Variants in PAG1 observed in about 807,000 individuals in gnomAD.
PAG1 encodes phosphoprotein membrane anchor with glycosphingolipid microdomains 1, also known as phosphoprotein associated with glycosphingolipid-enriched microdomains 1.
A neutral mutation model predicts 31.7 loss-of-function variants in PAG1; 23 were observed. The observed-to-expected ratio is 0.73, with a 90% CI of 0.52 to 1.03. The LOEUF is 1.03. PAG1 is among the 50% of genes least tolerant of loss of function. The pLI, the probability that PAG1 is intolerant of heterozygous loss-of-function variation, is 0.00. For missense variants in PAG1, 473 were observed against 540.7 expected, an observed-to-expected ratio of 0.87 and a Z score of 1.24; for synonymous variants, 214 against 210.3, an observed-to-expected ratio of 1.02 and a Z score of -0.15.
chr8:80,999,806 ATGGGTAAGGAATCACTTCTAAGGTTGGT>A (rs1289100973), intron 3 of PAG1, among the ~76,000 whole-genome samples: 7 of 152,174 alleles, frequency 4.6e-5, no homozygotes, highest in African/African-American at 1.7e-4. Flanking sequence ...AGTGAATTTG[ATGGGTAAGGAATCACTTCTAAGGTTGGT>A]TTCCCCCAAA....
In PAG1 at chr8:80,976,522, C is replaced by G. The variant is rs745823558; in HGVS notation, c.*22G>C. ...GTCTCCAGACACTGATCACAGGCTACCCAGGGTTGTCTTCTGGGTTGCTAG... is the reference window on the plus strand; with the variant it reads ...GTCTCCAGACACTGATCACAGGCTAGCCAGGGTTGTCTTCTGGGTTGCTAG... On this transcript the variant is annotated 3_prime_UTR_variant, in exon 9 of 9. Coordinates refer to ENST00000220597, the MANE Select transcript of PAG1 (RefSeq NM_018440.4). 2 of 1,591,466 alleles carry G rather than the reference C, an allele frequency of 1.3e-6. No individual in the cohort carries two copies. The highest frequency in any genetic ancestry group is 2.7e-5 in the African/African-American group (2 of 74,022).
intron 1 of PAG1, among the ~76,000 whole-genome samples, chr8:81,075,526 T>C (rs776779219): frequency 1.3e-5 from 2 of 152,262 alleles, no homozygotes; most frequent in African/African-American, 2.4e-5. Context: ...TGAGTTTTAC[T>C]ATGATTACTA....
intron 3 of PAG1, among the ~76,000 whole-genome samples, chr8:81,026,714 A>G (rs1329686254): frequency 6.6e-6 from 1 of 152,080 alleles, no homozygotes; most frequent in Non-Finnish European, 1.5e-5. Context: ...TGAGTCACAG[A>G]TGGGCCAGCA....
chr8:81,085,306 T>C (rs1048447274), intron 1 of PAG1, among the ~76,000 whole-genome samples: 1 of 152,246 alleles, frequency 6.6e-6, no homozygotes, highest in Non-Finnish European at 1.5e-5. Context: ...CAAGCCATTC[T>C]GGAGATTTAG....
rs555015627 is a variant in PAG1 at position 81,035,836 on chromosome 8, C to G, written c.-174-5747G>C. Among the ~76,000 whole-genome samples, 17 of 152,130 alleles carry G rather than the reference C, an allele frequency of 1.1e-4. No individual in the cohort carries two copies. In the South Asian group the frequency reaches 1.2e-3, roughly 11 times the overall value. ...TTAGAAGGCCAAAGATCACAGAAGC[C>G]TTTTTAACAGCTACCCTGACACACA... is the stretch of plus-strand genomic sequence containing the variant. On this transcript the variant is annotated intron_variant, in intron 2 of 8. Transcript: ENST00000220597.
chr8:80,982,584 C>G (rs924364462), intron 7 of PAG1, among the ~76,000 whole-genome samples: 17 of 152,170 alleles, frequency 1.1e-4, no homozygotes, highest in Admixed American at 7.2e-4. Flanking sequence ...GCAAATCCAG[C>G]CCTGGCCTTT....
At chr8:81,075,267 A>G (rs1044578744) in intron 1 of PAG1, among the ~76,000 whole-genome samples, 8 of 152,232 alleles carry the variant, frequency 5.3e-5, no homozygotes, top group African/African-American at 1.9e-4. Flanking sequence ...ATCTTCTAGT[A>G]TGAGTAGACT....
At chr8:80,980,297 C>T in intron 8 of PAG1, 138 bp downstream of exon 8, 1 of 602,824 alleles carries the variant, frequency 1.7e-6, no homozygotes. Flanking sequence ...AACCAGCATC[C>T]CAAGTCTTCA....
At chr8:81,029,417 T>G (rs1009552815) in intron 3 of PAG1, among the ~76,000 whole-genome samples, 2 of 151,762 alleles carry the variant, frequency 1.3e-5, no homozygotes, top group African/African-American at 2.4e-5. Context: ...ATTAAAGATA[T>G]GATTTCCAAA....
At chr8:81,026,127 C>A (rs1808273441) in intron 3 of PAG1, among the ~76,000 whole-genome samples, 1 of 152,084 alleles carries the variant, frequency 6.6e-6, no homozygotes, top group Non-Finnish European at 1.5e-5. Context: ...GGTGATCAGG[C>A]AGATTAAAGT....
At chr8:81,100,231 CT>C (rs1358419487) in intron 1 of PAG1, among the ~76,000 whole-genome samples, 1 of 152,218 alleles carries the variant, frequency 6.6e-6, no homozygotes, top group Non-Finnish European at 1.5e-5. Flanking sequence ...GGGTATACCC[CT>C]GAGGCAAGAA....
chr8:81,010,509 T>C (rs1807962979), intron 3 of PAG1, among the ~76,000 whole-genome samples: 1 of 152,260 alleles, frequency 6.6e-6, no homozygotes, highest in South Asian at 2.1e-4. Flanking sequence ...ATAAAATCTC[T>C]TGGCCTGTTA....
At chr8:81,053,995 G>A (rs1020319986) in intron 2 of PAG1, among the ~76,000 whole-genome samples, 6 of 152,144 alleles carry the variant, frequency 3.9e-5, no homozygotes, top group African/African-American at 1.4e-4. Context: ...GCCATCAACA[G>A]TAGCTAAAGG....
intron 2 of PAG1, among the ~76,000 whole-genome samples, chr8:81,032,245 T>G (rs1201442936): frequency 6.6e-6 from 1 of 152,076 alleles, no homozygotes; most frequent in Non-Finnish European, 1.5e-5. Context: ...ATTTGTAATT[T>G]AAAGGACAAT....
chr8:80,982,113 A>C (rs1807318891), intron 7 of PAG1, among the ~76,000 whole-genome samples: 1 of 151,924 alleles, frequency 6.6e-6, no homozygotes, highest in South Asian at 2.1e-4. Flanking sequence ...TGATCCACCC[A>C]CCTCGGCCTC....
rs527849766 is a variant in PAG1, at chr8:81,078,188, G to A, written c.-233-8018C>T. Among the ~76,000 whole-genome samples the A allele has an allele frequency of 7.2e-5, 11 of 152,282 alleles. No individual in the cohort carries two copies. The South Asian group carries it at 2.3e-3, about 32-fold the overall frequency. Reference sequence around the variant, plus strand: ...TCATATACTTGTTTATTGAGGTTAAGTGGGCTTAAATTTTTAATCTGTTTA... The same window carrying A: ...TCATATACTTGTTTATTGAGGTTAAATGGGCTTAAATTTTTAATCTGTTTA... On this transcript the variant is annotated intron_variant, in intron 1 of 8. Transcript: ENST00000220597.
chr8:81,026,033 T>C (rs16908344), intron 3 of PAG1, among the ~76,000 whole-genome samples: 4,394 of 152,212 alleles, frequency 0.029, 205 homozygotes, highest in African/African-American at 0.1. Flanking sequence ...CAATGCTGTT[T>C]CTACCCTTCC....
At chr8:81,102,868 T>A (rs1809630796) in intron 1 of PAG1, among the ~76,000 whole-genome samples, 1 of 152,218 alleles carries the variant, frequency 6.6e-6, no homozygotes, top group African/African-American at 2.4e-5. Context: ...CAATATCATT[T>A]AATGTATCTG....
rs746120433 is a variant in PAG1, at chr8:80,980,540, A to G, written c.877-46T>C. ...CAAGGAAAGTAATTCAGCGTTAACA[A>G]TCTAACCTTTCTTTTGCACATGTTT... On this transcript the variant is annotated intron_variant, in intron 7 of 8. Coordinates refer to ENST00000220597, the MANE Select transcript of PAG1 (RefSeq NM_018440.4). 10 of 1,204,828 alleles carry G rather than the reference A, an allele frequency of 8.3e-6. No individual in the cohort carries two copies. In the East Asian group the frequency reaches 1.4e-4, roughly 17 times the overall value. 74.6% of individuals were successfully genotyped at this position (1,204,828 alleles called of 1,614,324 possible). A position where few individuals can be genotyped will look rare whatever the true frequency, so the allele number is the denominator to read the frequency against.
Sources: allele counts gnomAD v4.1 joint callset (sites outside exome capture counted in the v4.1 genomes callset), GRCh38; gene constraint gnomAD v4.1.1; transcripts MANE v1.5; gene names NCBI Gene and HGNC (gene_info 2026-07-23, HGNC 2026-07-21).